The following CREB3L1 variants were observed in gnomAD, a reference collection of about 807,000 sequenced individuals.
CREB3L1 encodes cAMP responsive element binding protein 3 like 1, also known as cyclic AMP-responsive element-binding protein 3-like protein 1.
Under a neutral mutation model 54.5 loss-of-function variants are expected in CREB3L1, and 33 were observed. The ratio of observed to expected loss-of-function variants is 0.61; its 90% CI spans 0.46 to 0.81. The LOEUF (loss-of-function observed/expected upper bound fraction) is 0.81. Among genes scored for constraint, CREB3L1 ranks in the 30% least tolerant of loss-of-function variants. The pLI is 0.00. For missense variants in CREB3L1, 656 were observed against 673.3 expected (o/e 0.97, Z 0.29); for synonymous variants, 284 against 286.4 (o/e 0.99, Z 0.08).
chr11:46,292,297 C>A (rs778925213), intron 1 of CREB3L1, among the ~76,000 whole-genome samples: 3 of 152,210 alleles, frequency 2.0e-5, no homozygotes, highest in Non-Finnish European at 4.4e-5. Flanking sequence ...AGATTCGGGA[C>A]GGTCATTCCT....
chr11:46,279,860 G>A (rs1321014737), intron 1 of CREB3L1, among the ~76,000 whole-genome samples: 4 of 152,154 alleles, frequency 2.6e-5, no homozygotes, highest in South Asian at 2.1e-4. Flanking sequence ...GAACTCGGCC[G>A]CCCGAAGCCT....
intron 8 of CREB3L1, 98 bp downstream of exon 8, chr11:46,313,017 C>G (rs976540564): frequency 3.9e-5 from 36 of 924,250 alleles, no homozygotes; most frequent in Non-Finnish European, 5.5e-5. Flanking sequence ...GGAGAGAGAA[C>G]TAAGTTTAGG....
At chr11:46,287,654 A>G (rs1043282160) in intron 1 of CREB3L1, among the ~76,000 whole-genome samples, 1 of 152,074 alleles carries the variant, frequency 6.6e-6, no homozygotes, top group Admixed American at 6.6e-5. Flanking sequence ...GGCACATGAG[A>G]TATTTTGGTA....
At position 46,317,486 on chromosome 11, in the gene CREB3L1, G is replaced by A. The variant is rs773817341; in HGVS notation, c.1257G>A (p.Gln419=). The A allele has an allele frequency of 3.1e-6, 5 of 1,608,414 alleles. No individual in the cohort carries two copies. The East Asian group carries it at 1.1e-4, about 36-fold the overall frequency. The stretch of plus-strand genomic sequence containing the variant: ...CAGACGGCGTCTACACGGCCAGCCA[G>A]AGTGAGTGCCCGCCTGTCATGCCAG... ...LAADGVYTAS[Q]MPSRSLLFYD... Residue 419 remains glutamine (Q), a splice_region_variant and synonymous_variant, in exon 10 of 12, where the codon CAG becomes CAA. Transcript: ENST00000621158.
intron 8 of CREB3L1, among the ~76,000 whole-genome samples, chr11:46,314,204 C>A (rs1939532988): frequency 6.7e-6 from 1 of 150,272 alleles, no homozygotes; most frequent in African/African-American, 2.5e-5. Flanking sequence ...TGCCACCGTA[C>A]TCCAGCCTGG....
At chr11:46,317,575 G>T in intron 10 of CREB3L1, 88 bp downstream of exon 10, 1 of 1,518,978 alleles carries the variant, frequency 6.6e-7, no homozygotes, top group Non-Finnish European at 8.9e-7. Flanking sequence ...ACATAAGAGA[G>T]AAGCCAAGTG....
At position 46,310,203 on chromosome 11, in the gene CREB3L1, CA is replaced by C; in HGVS notation, c.595+137del. ...AATATCCTCTCCACCCTGCCCTACC[CA>C]CTGTCCCTCCATCCATGCCCACTCT... is the stretch of plus-strand genomic sequence containing the variant. On this transcript the variant is annotated intron_variant, in intron 4 of 11. Coordinates refer to ENST00000621158, the MANE Select transcript of CREB3L1 (RefSeq NM_052854.4). 3 of 656,054 alleles carry C rather than the reference CA, an allele frequency of 4.6e-6. No homozygotes were observed. The East Asian group carries it at 8.2e-5, about 18-fold the overall frequency. The allele number at this position is 656,054 out of a possible 1,614,324, so 40.6% of individuals were successfully genotyped here. A position where few individuals can be genotyped will look rare whatever the true frequency, so the allele number is the denominator to read the frequency against.
At position 46,307,180 on chromosome 11, in the gene CREB3L1, T is replaced by G. The variant is rs538507436; in HGVS notation, c.332-636T>G. Reference sequence around the variant, plus strand: ...GGCATGAGCCACTGCACCTGGCCGCTCAAGTGATTCTCCCACCTCAGCCTC... The same window carrying G: ...GGCATGAGCCACTGCACCTGGCCGCGCAAGTGATTCTCCCACCTCAGCCTC... On this transcript the variant is annotated intron_variant, in intron 2 of 11. Transcript: ENST00000621158. Among the ~76,000 whole-genome samples, 76 of 152,190 alleles carry G rather than the reference T, an allele frequency of 5.0e-4. 3 individuals are homozygous for G. In the South Asian group the frequency reaches 0.015, roughly 30 times the overall value.
At chr11:46,285,557 T>C (rs1415979351) in intron 1 of CREB3L1, among the ~76,000 whole-genome samples, 1 of 152,182 alleles carries the variant, frequency 6.6e-6, no homozygotes, top group Non-Finnish European at 1.5e-5. Flanking sequence ...GTCAAAGATC[T>C]TGATCCCCAC....
chr11:46,290,213 G>C (rs1260826814), intron 1 of CREB3L1, among the ~76,000 whole-genome samples: 1 of 152,114 alleles, frequency 6.6e-6, no homozygotes, highest in Non-Finnish European at 1.5e-5. Context: ...TTTGGGGCTG[G>C]GAGCTCCAGC....
At chr11:46,282,779 G>T (rs1938998836) in intron 1 of CREB3L1, among the ~76,000 whole-genome samples, 1 of 152,234 alleles carries the variant, frequency 6.6e-6, no homozygotes, top group Admixed American at 6.5e-5. Flanking sequence ...TCCATAAGAG[G>T]AGAGTCCATA....
chr11:46,316,371 G>A lies in CREB3L1; in HGVS notation c.1117G>A (p.Gly373Arg), dbSNP rs192830386. The stretch of plus-strand genomic sequence containing the variant: ...TTACAAGATGGCCGCCACCCAGACT[G>A]GGACCTGCCTCATGGTAGGTGTGGC... ...RPYKMAATQT[G>R]TCLMVAALCF... The change falls in exon 9 of 12, where the codon GGG becomes AGG. Residue 373 changes from glycine (G) to arginine (R), a missense_variant. By Grantham distance (125) the Gly-to-Arg change is moderately radical. Around this residue, in one of 3 missense-constraint regions of CREB3L1, gnomAD observed 240 missense variants for 219.8 expected, o/e 1.09. Transcript: ENST00000621158. The A allele has an allele frequency of 6.2e-4, 970 of 1,565,654 alleles. 3 individuals are homozygous for A. The African/African-American group carries it at 0.012, about 20-fold the overall frequency.
At chr11:46,312,012 T>C (rs1939493986) in intron 5 of CREB3L1, among the ~76,000 whole-genome samples, 1 of 152,080 alleles carries the variant, frequency 6.6e-6, no homozygotes, top group African/African-American at 2.4e-5. Flanking sequence ...GCCAAGATTG[T>C]AGGGAGGGGT....
chr11:46,279,517 A>C (rs1414884903), intron 1 of CREB3L1, among the ~76,000 whole-genome samples: 1 of 152,174 alleles, frequency 6.6e-6, no homozygotes, highest in Non-Finnish European at 1.5e-5. Flanking sequence ...GCTTGCATTG[A>C]CTGCAGCGAG....
chr11:46,296,620 C>T (rs1939214932), intron 1 of CREB3L1, among the ~76,000 whole-genome samples: 1 of 152,138 alleles, frequency 6.6e-6, no homozygotes, highest in Admixed American at 6.5e-5. Context: ...TAGGGGAGTC[C>T]CTGATGGCAG....
intron 2 of CREB3L1, 34 bp from the exon 3 acceptor site, chr11:46,307,782 C>G (rs1444979590): frequency 2.7e-6 from 4 of 1,504,088 alleles, no homozygotes; most frequent in Non-Finnish European, 3.6e-6. Flanking sequence ...AGACCTCTGC[C>G]CTAGAGTCCC....
chr11:46,292,896 A>C (rs1379856178), intron 1 of CREB3L1, among the ~76,000 whole-genome samples: 1 of 152,104 alleles, frequency 6.6e-6, no homozygotes, highest in Non-Finnish European at 1.5e-5. Flanking sequence ...TGCTAGGATT[A>C]CAAGTGTGAG....
intron 1 of CREB3L1, among the ~76,000 whole-genome samples, chr11:46,294,140 CA>C (rs994545827): frequency 3.3e-5 from 5 of 152,190 alleles, no homozygotes; most frequent in African/African-American, 1.2e-4. Context: ...CATGCGTGCA[CA>C]CACACACCGA....
chr11:46,311,497 CTTTT>C (rs1330343250), intron 5 of CREB3L1, among the ~76,000 whole-genome samples: 3 of 150,672 alleles, frequency 2.0e-5, no homozygotes, highest in Non-Finnish European at 4.4e-5. Context: ...CCGTGTCTGG[CTTTT>C]TTTTGTTTGT....
Sources: allele counts gnomAD v4.1 joint callset (sites outside exome capture counted in the v4.1 genomes callset), GRCh38; gene constraint gnomAD v4.1.1; regional missense constraint gnomAD v4.1.1; transcripts MANE v1.5; gene names NCBI Gene and HGNC (gene_info 2026-07-23, HGNC 2026-07-21).